Variants in FRMD6 observed in about 807,000 individuals in gnomAD.
FRMD6 encodes the protein FERM domain containing 6.
In FRMD6, 37 loss-of-function variants were observed where a neutral mutation model predicts 73.2. The ratio of observed to expected loss-of-function variants is 0.51; its 90% CI spans 0.39 to 0.66. The LOEUF (loss-of-function observed/expected upper bound fraction) is 0.66. Among genes scored for constraint, FRMD6 ranks in the 30% least tolerant of loss-of-function variants. FRMD6 has a pLI of 0.00. For synonymous variants in FRMD6, 273 were observed against 282.2 expected (o/e 0.97, Z 0.33); for missense variants, 714 against 780.5 (o/e 0.91, Z 1.02).
chr14:51,499,523 G>A (rs915983249), intron 1 of FRMD6, among the ~76,000 whole-genome samples: 3 of 152,184 alleles, frequency 2.0e-5, no homozygotes, highest in Non-Finnish European at 1.5e-5. Flanking sequence ...AGGAAATAAA[G>A]CACAGAGAAA....
At chr14:51,526,082 A>G (rs17124100) in intron 1 of FRMD6, among the ~76,000 whole-genome samples, 28,894 of 152,080 alleles carry the variant, frequency 0.19, 3,285 homozygotes, top group East Asian at 0.33. Flanking sequence ...TAAGCCATAA[A>G]TTGATCTTCG....
rs904746859 is a variant in FRMD6, at chr14:51,725,718, A to G, written c.1493-61A>G. On this transcript the variant is annotated intron_variant, in intron 12 of 13. Coordinates refer to ENST00000344768, the MANE Select transcript of FRMD6 (RefSeq NM_001267046.2). Reference sequence around the variant, plus strand: ...TCCTGATAGCAATATGTCAGAATATATGGCAAGAGGTGTGAATAATTTGAA... The same window carrying G: ...TCCTGATAGCAATATGTCAGAATATGTGGCAAGAGGTGTGAATAATTTGAA... The G allele has an allele frequency of 5.7e-6, 7 of 1,225,028 alleles. No individual in the cohort carries two copies. In the African/African-American group the frequency reaches 8.9e-5, roughly 16 times the overall value. 75.9% of individuals were successfully genotyped at this position (1,225,028 alleles called of 1,614,324 possible).
At chr14:51,582,837 TC>T (rs902731083) in intron 2 of FRMD6, among the ~76,000 whole-genome samples, 7 of 152,188 alleles carry the variant, frequency 4.6e-5, no homozygotes, top group Non-Finnish European at 1.0e-4. Flanking sequence ...TCATGAAATG[TC>T]CCTTTGGTAC....
chr14:51,451,312 G>A, the FRMD6 span, among the ~76,000 whole-genome samples: 2 of 152,190 alleles, frequency 1.3e-5, no homozygotes, highest in Non-Finnish European at 2.9e-5. Flanking sequence ...GGGTCGTGGG[G>A]ACAGATATCT....
At chr14:51,481,518 C>G in the FRMD6 span, among the ~76,000 whole-genome samples, 1 of 152,140 alleles carries the variant, frequency 6.6e-6, no homozygotes, top group Non-Finnish European at 1.5e-5. Context: ...AGCTACAGTT[C>G]AAGATGAGAG....
At chr14:51,564,072 T>C (rs1887641838) in intron 1 of FRMD6, among the ~76,000 whole-genome samples, 1 of 152,244 alleles carries the variant, frequency 6.6e-6, no homozygotes, top group Non-Finnish European at 1.5e-5. Context: ...CTCTGGTCAC[T>C]ATTTATCCTA....
intron 1 of FRMD6, among the ~76,000 whole-genome samples, chr14:51,527,018 T>C (rs1885292750): frequency 6.6e-6 from 1 of 152,288 alleles, no homozygotes; most frequent in Non-Finnish European, 1.5e-5. Flanking sequence ...GAAGTAGCCC[T>C]GATAATGTAT....
At chr14:51,662,590 G>C (rs1893294502) in intron 1 of FRMD6, among the ~76,000 whole-genome samples, 3 of 152,168 alleles carry the variant, frequency 2.0e-5, no homozygotes, top group Non-Finnish European at 4.4e-5. Context: ...TAATTGGCTA[G>C]CCATATACAC....
Position 51,702,550 on chromosome 14 carries a change from C to G in FRMD6, c.333C>G (p.Phe111Leu). 6.2e-7 allele frequency: 1 copy of G among 1,611,938 alleles called. No individual in the cohort carries two copies. Among genetic ancestry groups the G allele is most frequent in the South Asian group, 1.1e-5 (1 of 90,994 alleles). Residue 111 changes from phenylalanine (F) to leucine (L), a missense_variant, in exon 5 of 14, where the codon TTC becomes TTG. By Grantham distance (22) the Phe-to-Leu change is conservative. Coordinates refer to ENST00000344768, the MANE Select transcript of FRMD6 (RefSeq NM_001267046.2). ...TTGGGCCTCCTATGATCATCCACTT[C>G]CGTGTGCAGTACTATGTGGAAAATG... is the stretch of plus-strand genomic sequence containing the variant. The part of the protein sequence containing the change: ...DQFGPPMIIH[F>L]RVQYYVENGR...
intron 2 of FRMD6, among the ~76,000 whole-genome samples, chr14:51,624,797 T>C (rs1289505759): frequency 6.6e-6 from 1 of 152,176 alleles, no homozygotes. Flanking sequence ...CTCAGCAAGT[T>C]AGTAAAATGA....
At chr14:51,719,148 C>G (rs1897398767) in intron 10 of FRMD6, among the ~76,000 whole-genome samples, 1 of 152,164 alleles carries the variant, frequency 6.6e-6, no homozygotes, top group Admixed American at 6.5e-5. Flanking sequence ...ACCTGAAAGA[C>G]AAGAATAATA....
At chr14:51,484,480 C>A (rs983252346), upstream of FRMD6, among the ~76,000 whole-genome samples, 1 of 151,936 alleles carries the variant, frequency 6.6e-6, no homozygotes, top group Non-Finnish European at 1.5e-5. Context: ...TGCAACATAA[C>A]GAACAAGAAA....
chr14:51,408,206 G>C, the FRMD6 span, among the ~76,000 whole-genome samples: 3 of 151,094 alleles, frequency 2.0e-5, no homozygotes, highest in Admixed American at 6.6e-5. Context: ...GCCCAGGCTG[G>C]AGTGCAGTGG....
the FRMD6 span, among the ~76,000 whole-genome samples, chr14:51,426,642 A>G: frequency 6.6e-6 from 1 of 152,224 alleles, no homozygotes; most frequent in Non-Finnish European, 1.5e-5. Context: ...GATCAGCTAC[A>G]CTAAGTAGGA....
the FRMD6 span, among the ~76,000 whole-genome samples, chr14:51,456,150 T>C: frequency 6.6e-6 from 1 of 152,220 alleles, no homozygotes; most frequent in Non-Finnish European, 1.5e-5. Context: ...CTTTTTTTCT[T>C]TTAAATTTTT....
At chr14:51,545,048 C>T (rs1247132325) in intron 1 of FRMD6, among the ~76,000 whole-genome samples, 2 of 152,018 alleles carry the variant, frequency 1.3e-5, no homozygotes, top group Non-Finnish European at 2.9e-5. Context: ...GGGTTTGGGG[C>T]TGAAACATTC....
chr14:51,633,770 G>A (rs969659264), intron 2 of FRMD6, among the ~76,000 whole-genome samples: 4 of 152,084 alleles, frequency 2.6e-5, no homozygotes, highest in African/African-American at 9.7e-5. Flanking sequence ...AAGTTCCTTA[G>A]AGTGGAACTG....
At chr14:51,519,287 C>G (rs1884813796) in intron 1 of FRMD6, among the ~76,000 whole-genome samples, 1 of 151,606 alleles carries the variant, frequency 6.6e-6, no homozygotes, top group South Asian at 2.1e-4. Context: ...GTCTCGACCT[C>G]CCAAGTAGCT....
At chr14:51,725,048 C>T (rs918246217) in intron 12 of FRMD6, among the ~76,000 whole-genome samples, 4 of 152,188 alleles carry the variant, frequency 2.6e-5, no homozygotes, top group Non-Finnish European at 5.9e-5. Flanking sequence ...CAGTTTGTCT[C>T]CTCCCAGGGG....
Sources: gnomAD v4.1 joint callset for allele counts (sites outside exome capture counted in the v4.1 genomes callset) on GRCh38, gnomAD v4.1.1 for gene constraint, MANE v1.5 for transcripts, NCBI Gene and HGNC (gene_info 2026-07-23, HGNC 2026-07-21) for gene names.